The following TNIK variants were observed in gnomAD, a reference collection of about 807,000 sequenced individuals.
The protein encoded by TNIK is TRAF2 and NCK-interacting protein kinase.
TNIK carries 49 observed loss-of-function variants against 191.3 expected under a neutral mutation model. The observed-to-expected ratio is 0.26, with a 90% CI of 0.20 to 0.32. TNIK has a LOEUF of 0.32. TNIK is among the 10% of genes least tolerant of loss of function. TNIK has a pLI of 1.00. For missense variants in TNIK, 1,155 were observed against 1,702.3 expected, an observed-to-expected ratio of 0.68 and a Z score of 5.66; for synonymous variants, 594 against 600.9, an observed-to-expected ratio of 0.99 and a Z score of 0.17.
At chr3:171,253,623 G>C (rs1746521478) in intron 2 of TNIK, among the ~76,000 whole-genome samples, 1 of 112,370 alleles carries the variant, frequency 8.9e-6, no homozygotes, top group South Asian at 3.0e-4. Flanking sequence ...TATCTCAAAT[G>C]TCACGGCTAG....
intron 3 of TNIK, among the ~76,000 whole-genome samples, chr3:171,218,787 CATTT>C (rs1741785571): frequency 7.1e-6 from 1 of 140,652 alleles, no homozygotes; most frequent in African/African-American, 2.6e-5. Context: ...ATATGCATAT[CATTT>C]ACATATTATA....
intron 1 of TNIK, among the ~76,000 whole-genome samples, chr3:171,455,736 A>C (rs1265090164): frequency 6.6e-6 from 1 of 152,218 alleles, no homozygotes; most frequent in Non-Finnish European, 1.5e-5. Flanking sequence ...CTTATTAACT[A>C]TGGTTAAATG....
intron 1 of TNIK, among the ~76,000 whole-genome samples, chr3:171,401,018 A>C (rs1720884768): frequency 6.6e-6 from 1 of 152,360 alleles, no homozygotes; most frequent in East Asian, 1.9e-4. Context: ...TGAGACAAAC[A>C]CATATCTAGT....
rs77087699 is a variant in TNIK, at chr3:171,352,280, A to G, written c.123+17340T>C. ...AAAATTTTCCATATCTTCATGTGGC[A>G]TTAAAAACTCCAGACAATCCTCAGA... On this transcript the variant is annotated intron_variant, in intron 2 of 32. Transcript: ENST00000436636. Among the ~76,000 whole-genome samples, 552 of 152,316 alleles carry G rather than the reference A, an allele frequency of 3.6e-3. 4 individuals are homozygous for G. The highest frequency in any genetic ancestry group is 0.013 in the African/African-American group (530 of 41,590).
At chr3:171,288,709 G>A (rs1375943765) in intron 2 of TNIK, among the ~76,000 whole-genome samples, 1 of 151,714 alleles carries the variant, frequency 6.6e-6, no homozygotes, top group African/African-American at 2.4e-5. Context: ...TTGAGAGGCT[G>A]AGGCAGGAGA....
chr3:171,362,716 T>C (rs947018826), intron 2 of TNIK, among the ~76,000 whole-genome samples: 6 of 152,166 alleles, frequency 3.9e-5, no homozygotes, highest in African/African-American at 1.2e-4. Context: ...GTACTATTAA[T>C]AAAAGATAAA....
At chr3:171,300,304 C>T (rs1055610034) in intron 2 of TNIK, among the ~76,000 whole-genome samples, 1 of 152,176 alleles carries the variant, frequency 6.6e-6, no homozygotes, top group East Asian at 1.9e-4. Context: ...CGGTCATGCC[C>T]TATGGGGCCA....
intron 1 of TNIK, among the ~76,000 whole-genome samples, chr3:171,396,176 T>G (rs80208637): frequency 0.015 from 2,200 of 150,684 alleles, 55 homozygotes; most frequent in African/African-American, 0.049. Flanking sequence ...TTCTCTGTCC[T>G]GGACATTCCA....
intron 29 of TNIK, among the ~76,000 whole-genome samples, chr3:171,070,371 A>C (rs1719026774): frequency 6.6e-6 from 1 of 152,176 alleles, no homozygotes. Context: ...TAAGGAGCCA[A>C]ATGGAGATAA....
chr3:171,194,694 T>A, intron 4 of TNIK, 59 bp from the exon 5 acceptor site: 1 of 1,525,336 alleles, frequency 6.6e-7, no homozygotes, highest in Non-Finnish European at 9.0e-7. Context: ...TCCATTAAGT[T>A]GGGGTAAGAA....
intron 2 of TNIK, among the ~76,000 whole-genome samples, chr3:171,285,953 T>C (rs1022280391): frequency 2.7e-5 from 4 of 148,586 alleles, no homozygotes; most frequent in African/African-American, 7.5e-5. Context: ...AATTTGATCA[T>C]TTGATGGTTT....
At chr3:171,319,854 T>C (rs1755000502) in intron 2 of TNIK, among the ~76,000 whole-genome samples, 1 of 152,116 alleles carries the variant, frequency 6.6e-6, no homozygotes, top group Non-Finnish European at 1.5e-5. Flanking sequence ...AATGTTGCCT[T>C]CCAGAAGCAT....
chr3:171,293,468 A>T (rs1410283163), intron 2 of TNIK, among the ~76,000 whole-genome samples: 1 of 152,238 alleles, frequency 6.6e-6, no homozygotes, highest in Non-Finnish European at 1.5e-5. Flanking sequence ...ATGGAATCAC[A>T]TAACTATGGG....
At position 171,261,645 on chromosome 3, in the gene TNIK, C is replaced by A. The variant is rs376977333; in HGVS notation, c.124-33424G>T. ...TATTTTAATTTCCTGTCTTCCTGTA[C>A]AGAGTATGACTTCCTTGTATAAATA... is the stretch of plus-strand genomic sequence containing the variant. On this transcript the variant is annotated intron_variant, in intron 2 of 32. Transcript: ENST00000436636. Among the ~76,000 whole-genome samples the A allele has an allele frequency of 2.4e-4, 36 of 152,334 alleles. No individual in the cohort carries two copies. In the South Asian group the frequency reaches 6.0e-3, roughly 25 times the overall value.
intron 23 of TNIK, among the ~76,000 whole-genome samples, chr3:171,090,239 G>A (rs1046835751): frequency 3.3e-5 from 5 of 152,062 alleles, no homozygotes; most frequent in Admixed American, 2.0e-4. Flanking sequence ...CAGCAAGAGA[G>A]CCAGAGACCT....
chr3:171,402,364 G>C (rs1000867313), intron 1 of TNIK, among the ~76,000 whole-genome samples: 1 of 152,188 alleles, frequency 6.6e-6, no homozygotes, highest in Non-Finnish European at 1.5e-5. Flanking sequence ...CCAGTCTAAA[G>C]AGAAGTAAAG....
At chr3:171,230,874 C>T (rs752558360) in intron 2 of TNIK, among the ~76,000 whole-genome samples, 1 of 152,140 alleles carries the variant, frequency 6.6e-6, no homozygotes, top group Non-Finnish European at 1.5e-5. Context: ...ATTTGCAGCC[C>T]AACCTTTTCC....
chr3:171,328,895 G>A lies in TNIK; in HGVS notation c.123+40725C>T, dbSNP rs1471436180. 2.0e-5 allele frequency among the ~76,000 whole-genome samples: 3 copies of A among 152,106 alleles called. No homozygotes were observed. In the East Asian group the frequency reaches 5.8e-4, roughly 29 times the overall value. ...GAAGTCACTAAGGAAACAATGGAGG[G>A]CGCTGTGGAGATGGCCACTTCCTTC... On this transcript the variant is annotated intron_variant, in intron 2 of 32. Transcript: ENST00000436636.
At chr3:171,188,016 A>C (rs1214538912) in intron 7 of TNIK, among the ~76,000 whole-genome samples, 2 of 152,240 alleles carry the variant, frequency 1.3e-5, no homozygotes, top group Admixed American at 6.5e-5. Flanking sequence ...AGTCCAGACA[A>C]TAAACCTGAG....
Sources: gnomAD v4.1 joint callset for allele counts (sites outside exome capture counted in the v4.1 genomes callset) on GRCh38, gnomAD v4.1.1 for gene constraint, MANE v1.5 for transcripts, NCBI Gene and HGNC (gene_info 2026-07-23, HGNC 2026-07-21) for gene names.